TMEM156: variants seen among roughly 807,000 people sequenced by gnomAD.
TMEM156 encodes transmembrane protein 156.
Under a neutral mutation model 30.5 loss-of-function variants are expected in TMEM156, and 28 were observed. The observed-to-expected ratio is 0.92, with a 90% CI of 0.68 to 1.26. The LOEUF (loss-of-function observed/expected upper bound fraction) is 1.26. Among genes scored for constraint, TMEM156 ranks in the 50% most tolerant of loss-of-function variants. The pLI is 0.00. For missense variants in TMEM156, 351 were observed against 340.6 expected, an observed-to-expected ratio of 1.03 and a Z score of -0.24; for synonymous variants, 137 against 119.9, an observed-to-expected ratio of 1.14 and a Z score of -0.93.
chr4:38,992,682 T>TTATATAATATATATATATTATATA (rs1712561397), intron 3 of TMEM156, among the ~76,000 whole-genome samples: 1 of 45,670 alleles, frequency 2.2e-5, no homozygotes, highest in Non-Finnish European at 4.6e-5. Context: ...ATATAATATA[T>TTATATAATATATATATATTATATA]TATATAATAT....
chr4:39,031,878 C>CAAAAAAAA (rs1421953559), intron 1 of TMEM156, among the ~76,000 whole-genome samples: 1 of 46,708 alleles, frequency 2.1e-5, no homozygotes, highest in Non-Finnish European at 3.7e-5. Context: ...GACTCCATCT[C>CAAAAAAAA]AAAAAAAAAA....
At chr4:38,992,697 TA>T (rs1409602257) in intron 3 of TMEM156, among the ~76,000 whole-genome samples, 37 of 47,036 alleles carry the variant, frequency 7.9e-4, no homozygotes, top group African/African-American at 2.6e-3. Flanking sequence ...TAATATATTA[TA>T]TAATATATAT....
intron 5 of TMEM156, among the ~76,000 whole-genome samples, chr4:38,972,536 C>T (rs1351161627): frequency 2.0e-5 from 3 of 151,732 alleles, no homozygotes; most frequent in Non-Finnish European, 4.4e-5. Context: ...CAGGCATGAG[C>T]CACCATTCCC....
In TMEM156 at chr4:39,025,264, C is replaced by T. The variant is rs188343732; in HGVS notation, c.88+6962G>A. Among the ~76,000 whole-genome samples the T allele has an allele frequency of 3.4e-4, 48 of 142,372 alleles. 1 individual carries two copies. The East Asian group carries it at 0.01, about 30-fold the overall frequency. The allele number at this position is 142,372 out of a possible 152,430, so 93.4% of individuals were successfully genotyped here. A position where few individuals can be genotyped will look rare whatever the true frequency, so the allele number is the denominator to read the frequency against. ...TTGGCAGGCTGCGGCAGAAGAATCG[C>T]TTGAACATGGGAGGCGGAGGCTGCA... On this transcript the variant is annotated intron_variant, in intron 1 of 6. Coordinates refer to ENST00000381938, the MANE Select transcript of TMEM156 (RefSeq NM_024943.3).
At chr4:39,003,495 C>G (rs1039874383) in intron 1 of TMEM156, among the ~76,000 whole-genome samples, 1 of 151,974 alleles carries the variant, frequency 6.6e-6, no homozygotes, top group Non-Finnish European at 1.5e-5. Context: ...CCACCACGCC[C>G]GGCTGATTTT....
intron 3 of TMEM156, among the ~76,000 whole-genome samples, chr4:38,993,027 C>G (rs1406067916): frequency 6.6e-6 from 1 of 151,442 alleles, no homozygotes; most frequent in Admixed American, 6.6e-5. Context: ...TCCCAAAGTG[C>G]TGGGATTACA....
chr4:39,013,443 T>G (rs530143666), intron 1 of TMEM156, among the ~76,000 whole-genome samples: 1 of 150,920 alleles, frequency 6.6e-6, no homozygotes, highest in Non-Finnish European at 1.5e-5. Flanking sequence ...GCTCTGTCGC[T>G]AGGCTGGAGT....
intron 1 of TMEM156, among the ~76,000 whole-genome samples, chr4:39,004,181 T>C (rs1205250107): frequency 6.6e-6 from 1 of 152,150 alleles, no homozygotes; most frequent in Admixed American, 6.5e-5. Context: ...CATCTAAATG[T>C]TCACTCTCAG....
intron 5 of TMEM156, chr4:38,980,978 C>T (rs1465284137): frequency 3.0e-6 from 3 of 984,574 alleles, no homozygotes; most frequent in Non-Finnish European, 2.4e-6. Context: ...AGATTCTTCA[C>T]ATTTGTGAAT....
intron 3 of TMEM156, among the ~76,000 whole-genome samples, chr4:38,990,832 T>TG (rs1560365268): frequency 9.0e-5 from 6 of 66,394 alleles, no homozygotes; most frequent in Non-Finnish European, 2.1e-4. Context: ...GTTTTCTGGT[T>TG]TTTTTTTTTT....
At chr4:38,977,555 C>G (rs186127506) in intron 5 of TMEM156, among the ~76,000 whole-genome samples, 1 of 152,116 alleles carries the variant, frequency 6.6e-6, no homozygotes, top group Non-Finnish European at 1.5e-5. Context: ...ATAGCTAAAA[C>G]GGGTGGAAAT....
chr4:38,994,106 A>G, intron 2 of TMEM156, 108 bp from the exon 3 acceptor site: 1 of 1,023,156 alleles, frequency 9.8e-7, no homozygotes, highest in Non-Finnish European at 1.4e-6. Context: ...AAGTAGAAAC[A>G]AGAAGTTTCC....
At chr4:38,984,135 AT>A (rs752624653) in intron 5 of TMEM156, among the ~76,000 whole-genome samples, 1 of 152,156 alleles carries the variant, frequency 6.6e-6, no homozygotes, top group Non-Finnish European at 1.5e-5. Flanking sequence ...AAAGATGGGG[AT>A]TTGATTCAGT....
intron 5 of TMEM156, among the ~76,000 whole-genome samples, chr4:38,979,039 T>C (rs1042414913): frequency 1.3e-5 from 2 of 152,358 alleles, no homozygotes; most frequent in Non-Finnish European, 2.9e-5. Context: ...AAATGCACAT[T>C]TGCTGTCAGA....
intron 1 of TMEM156, among the ~76,000 whole-genome samples, chr4:39,005,295 T>C (rs1713655071): frequency 6.6e-6 from 1 of 152,156 alleles, no homozygotes; most frequent in South Asian, 2.1e-4. Flanking sequence ...AGGGACCTGG[T>C]GGGAGATGAC....
intron 1 of TMEM156, among the ~76,000 whole-genome samples, chr4:39,025,266 T>C (rs1715128353): frequency 1.4e-5 from 2 of 143,434 alleles, no homozygotes; most frequent in South Asian, 4.2e-4. Flanking sequence ...AAGAATCGCT[T>C]GAACATGGGA....
intron 3 of TMEM156, among the ~76,000 whole-genome samples, chr4:38,990,836 T>TTTTTTTGTTTTGTTTTGG (rs1395437439): frequency 8.5e-6 from 1 of 118,312 alleles, no homozygotes; most frequent in Non-Finnish European, 1.9e-5. Flanking sequence ...TCTGGTTTTT[T>TTTTTTTGTTTTGTTTTGG]TTTTTTTTTT....
At position 39,015,534 on chromosome 4, in the gene TMEM156, C is replaced by T. The variant is rs1399405782; in HGVS notation, c.89-16625G>A. On this transcript the variant is annotated intron_variant, in intron 1 of 6. Coordinates refer to ENST00000381938, the MANE Select transcript of TMEM156 (RefSeq NM_024943.3). ...CCAGAAAATGGATTCTAGTCTAGAGCCTCCAAAAGGAACACAGTCTTACTG... is the reference window on the plus strand; with the variant it reads ...CCAGAAAATGGATTCTAGTCTAGAGTCTCCAAAAGGAACACAGTCTTACTG... Among the ~76,000 whole-genome samples the T allele has an allele frequency of 2.0e-5, 3 of 152,184 alleles. No individual in the cohort carries two copies. The East Asian group carries it at 5.8e-4, about 29-fold the overall frequency.
intron 1 of TMEM156, among the ~76,000 whole-genome samples, chr4:39,023,146 AAT>A (rs1714979416): frequency 1.3e-5 from 2 of 152,302 alleles, no homozygotes; most frequent in South Asian, 4.1e-4. Context: ...ATCCTGTAAG[AAT>A]ACAAAGAAAA....
Sources: gnomAD v4.1 joint callset for allele counts (sites outside exome capture counted in the v4.1 genomes callset) on GRCh38, gnomAD v4.1.1 for gene constraint, MANE v1.5 for transcripts, NCBI Gene and HGNC (gene_info 2026-07-23, HGNC 2026-07-21) for gene names.